KMT2C: variants seen among roughly 807,000 people sequenced by gnomAD.
KMT2C encodes lysine methyltransferase 2C, also known as histone-lysine N-methyltransferase 2C.
A neutral mutation model predicts 507.9 loss-of-function variants in KMT2C; 88 were observed. The observed-to-expected ratio is 0.17, with a 90% CI of 0.15 to 0.21. KMT2C has a LOEUF of 0.21. Ranked by LOEUF, KMT2C falls within the 10% of genes least tolerant of loss-of-function variation. The pLI is 1.00. For missense variants in KMT2C, 4,954 were observed against 5,957.8 expected (o/e 0.83, Z 5.55); for synonymous variants, 2,049 against 2,080.8 (o/e 0.98, Z 0.42).
rs2129119272 is a variant in KMT2C at position 152,180,871 on chromosome 7, G to A, written c.6989C>T (p.Ser2330Leu). Reference sequence around the variant, plus strand: ...TGAAGATGCACAGAAGCTCCCCTCTGATCCAGGCCTTGGCTGATCAGCAAC... The same window carrying A: ...TGAAGATGCACAGAAGCTCCCCTCTAATCCAGGCCTTGGCTGATCAGCAAC... The part of the protein sequence containing the change: ...HDVADQPRPG[S>L]EGSFCASSNS... Residue 2330 changes from serine to leucine, a missense_variant, in exon 36 of 59, where the codon TCA becomes TTA. Ser to Leu is a moderately radical substitution (Grantham distance 145). This residue lies in a region of KMT2C where 1,689 missense variants were observed against 1,654.3 expected (regional missense o/e 1.02). Transcript: ENST00000262189. The A allele has an allele frequency of 1.2e-6, 2 of 1,614,172 alleles. No individual in the cohort carries two copies. Among genetic ancestry groups the A allele is most frequent in the Non-Finnish European group, 8.5e-7 (1 of 1,180,024 alleles).
At chr7:152,259,983 G>A (rs1165969740) in intron 9 of KMT2C, among the ~76,000 whole-genome samples, 2 of 148,906 alleles carry the variant, frequency 1.3e-5, no homozygotes, top group African/African-American at 5.2e-5. Flanking sequence ...GAAAAACTCT[G>A]GTAACTATTT....
At chr7:152,221,499 T>C (rs2094769963) in intron 22 of KMT2C, among the ~76,000 whole-genome samples, 1 of 152,154 alleles carries the variant, frequency 6.6e-6, no homozygotes, top group Non-Finnish European at 1.5e-5. Flanking sequence ...AGATTTAATT[T>C]TAAATGTACA....
In KMT2C at chr7:152,180,934, T is replaced by A. The variant is rs2129119383; in HGVS notation, c.6926A>T (p.Gln2309Leu). The change falls in exon 36 of 59, where the codon CAG becomes CTG. Residue 2309 changes from glutamine (Q) to leucine (L), a missense_variant. Coordinates refer to ENST00000262189, the MANE Select transcript of KMT2C (RefSeq NM_170606.3). ...YDQSPMTPRS[Q>L]SDSFGTSQTA... Reference sequence around the variant, plus strand: ...TTGACTTGTTCCAAAAGAGTCAGACTGAGATCTTGGAGTCATTGGAGACTG... The same window carrying A: ...TTGACTTGTTCCAAAAGAGTCAGACAGAGATCTTGGAGTCATTGGAGACTG... The A allele has an allele frequency of 6.2e-7, 1 of 1,614,160 alleles. No homozygotes were observed. Among genetic ancestry groups the A allele is most frequent in the Non-Finnish European group, 8.5e-7 (1 of 1,180,012 alleles).
intron 2 of KMT2C, among the ~76,000 whole-genome samples, chr7:152,345,971 G>T (rs2097054595): frequency 6.6e-6 from 1 of 152,156 alleles, no homozygotes; most frequent in South Asian, 2.1e-4. Flanking sequence ...AGCAGGAGTA[G>T]CTATATTAAT....
At position 152,177,201 on chromosome 7, in the gene KMT2C, G is replaced by T; in HGVS notation, c.8252C>A (p.Ser2751Ter). ...NDPNLDDLLRSGEFDIIAYTD... is the reference protein window; with the variant it reads ...NDPNLDDLLR ...ATATGCAATGATATCAAACTCTCCT[G>T]ACCTTAAGAGGTCATCCAGGTTGGG... The change falls in exon 38 of 59, where the codon TCA becomes TAA. Residue 2751 changes from serine (S) to a stop codon, truncating the protein, a stop_gained. Transcript: ENST00000262189. LOFTEE classifies it high-confidence loss of function. 6.2e-7 allele frequency: 1 copy of T among 1,613,806 alleles called. No individual in the cohort carries two copies. Among genetic ancestry groups the T allele is most frequent in the South Asian group, 1.1e-5 (1 of 91,056 alleles).
Position 152,330,767 on chromosome 7 carries a change from A to T in KMT2C, c.251-28T>A, listed in dbSNP as rs371927187. ...GCTTAACAGTAAACAAGAGAAAACA[A>T]AGAGTCATTTTTGTGTTTATTTTAA... On this transcript the variant is annotated intron_variant, in intron 2 of 58. Transcript: ENST00000262189. 2.5e-6 allele frequency: 4 copies of T among 1,607,262 alleles called. No individual in the cohort carries two copies. The South Asian group carries it at 3.3e-5, about 13-fold the overall frequency.
rs1251911918 is a variant in KMT2C at position 152,221,881 on chromosome 7, A to T, written c.3499+120T>A. On this transcript the variant is annotated intron_variant, in intron 22 of 58. Coordinates refer to ENST00000262189, the MANE Select transcript of KMT2C (RefSeq NM_170606.3). ...TATCATTGTGGAAATGATTACCAAC[A>T]TTACAGAATTTGGATAGAACACCCA... 3 of 674,252 alleles carry T rather than the reference A, an allele frequency of 4.4e-6. No homozygotes were observed. The East Asian group carries it at 8.3e-5, about 19-fold the overall frequency. 41.8% of individuals were successfully genotyped at this position (674,252 alleles called of 1,614,324 possible).
chr7:152,321,408 G>A (rs2096772116), intron 3 of KMT2C, among the ~76,000 whole-genome samples: 1 of 151,494 alleles, frequency 6.6e-6, no homozygotes, highest in Admixed American at 6.6e-5. Context: ...TATATTACTG[G>A]AAGTCCTAGG....
intron 1 of KMT2C, chr7:152,367,495 G>T: frequency 1.1e-6 from 1 of 906,054 alleles, no homozygotes; most frequent in Non-Finnish European, 1.8e-6. Context: ...TGGGATTACA[G>T]GTGTGAGCCA....
At chr7:152,201,257 TA>T (rs1294068449) in intron 26 of KMT2C, among the ~76,000 whole-genome samples, 1 of 147,962 alleles carries the variant, frequency 6.8e-6, no homozygotes, top group Admixed American at 6.8e-5. Context: ...AAACTACCAT[TA>T]AAAAGGCCTC....
chr7:152,371,513 G>A (rs901518753), intron 1 of KMT2C, among the ~76,000 whole-genome samples: 1 of 151,888 alleles, frequency 6.6e-6, no homozygotes, highest in East Asian at 1.9e-4. Flanking sequence ...ACAAAATGGC[G>A]ATAGCATCTC....
intron 9 of KMT2C, among the ~76,000 whole-genome samples, chr7:152,260,302 T>C (rs1018701914): frequency 1.1e-4 from 16 of 151,968 alleles, no homozygotes; most frequent in African/African-American, 3.9e-4. Context: ...AAAGAGCAAA[T>C]TAGAAAGAAG....
chr7:152,207,910 C>A (rs1187781795), intron 23 of KMT2C, among the ~76,000 whole-genome samples: 1 of 152,140 alleles, frequency 6.6e-6, no homozygotes, highest in South Asian at 2.1e-4. Flanking sequence ...AAGACAGAGG[C>A]CTGGAAGACC....
chr7:152,160,297 A>C (rs1407515607), intron 43 of KMT2C, among the ~76,000 whole-genome samples: 1 of 152,160 alleles, frequency 6.6e-6, no homozygotes, highest in East Asian at 1.9e-4. Flanking sequence ...AGCAGCATCT[A>C]GAGCTGGTCT....
intron 3 of KMT2C, among the ~76,000 whole-genome samples, chr7:152,326,987 C>A (rs928532926): frequency 6.6e-6 from 1 of 152,134 alleles, no homozygotes; most frequent in African/African-American, 2.4e-5. Flanking sequence ...GTCAAAAAGT[C>A]GGAGCTTGGA....
At chr7:152,140,735 A>G (rs1317905557) in intron 55 of KMT2C, among the ~76,000 whole-genome samples, 1 of 152,196 alleles carries the variant, frequency 6.6e-6, no homozygotes, top group Non-Finnish European at 1.5e-5. Flanking sequence ...CCCCAGCTGC[A>G]TCCTCATGAA....
chr7:152,373,157 A>C (rs765709412), intron 1 of KMT2C, among the ~76,000 whole-genome samples: 4 of 152,194 alleles, frequency 2.6e-5, no homozygotes, highest in Non-Finnish European at 5.9e-5. Flanking sequence ...AAATGCAGAA[A>C]AAAAACAGAT....
chr7:152,197,136 TGA>T (rs1046115274), intron 27 of KMT2C, among the ~76,000 whole-genome samples: 3 of 152,134 alleles, frequency 2.0e-5, no homozygotes, highest in Non-Finnish European at 2.9e-5. Flanking sequence ...TGGTGCAGTC[TGA>T]GAGGTGAGGT....
At chr7:152,418,690 A>G (rs1341746742) in intron 1 of KMT2C, among the ~76,000 whole-genome samples, 4 of 152,094 alleles carry the variant, frequency 2.6e-5, no homozygotes, top group Non-Finnish European at 4.4e-5. Context: ...TCAGCCTCCC[A>G]AAGGGCTGGG....
Sources: gnomAD v4.1 joint callset for allele counts (sites outside exome capture counted in the v4.1 genomes callset) on GRCh38, gnomAD v4.1.1 for gene constraint, gnomAD v4.1.1 regional missense constraint, MANE v1.5 for transcripts, NCBI Gene and HGNC (gene_info 2026-07-23, HGNC 2026-07-21) for gene names.